Variants in TMEM14A observed in about 807,000 individuals in gnomAD.
TMEM14A encodes the protein transmembrane protein 14A.
TMEM14A carries 8 observed loss-of-function variants against 11.6 expected under a neutral mutation model. That is an observed-to-expected ratio of 0.69 (90% CI 0.40 to 1.24). The LOEUF (loss-of-function observed/expected upper bound fraction) is 1.24. Ranked by LOEUF, TMEM14A falls within the 50% of genes most tolerant of loss-of-function variation. TMEM14A has a pLI of 0.01. For missense variants in TMEM14A, 108 were observed against 121.9 expected (o/e 0.89, Z 0.54); for synonymous variants, 34 against 45.5 (o/e 0.75, Z 1.02).
chr6:52,674,186 A>G (rs1318220576), intron 1 of TMEM14A, among the ~76,000 whole-genome samples: 3 of 149,976 alleles, frequency 2.0e-5, no homozygotes, highest in Non-Finnish European at 4.4e-5. Flanking sequence ...TCCTTTAGAA[A>G]GATAATAAGT....
chr6:52,685,784 G>A (rs1464807011), intron 4 of TMEM14A, among the ~76,000 whole-genome samples: 6 of 152,084 alleles, frequency 3.9e-5, no homozygotes, highest in Admixed American at 3.9e-4. Context: ...CCTCATCCAA[G>A]GTTTTCAGAA....
intron 1 of TMEM14A, 138 bp from the exon 2 acceptor site, chr6:52,676,949 C>T (rs940845774): frequency 6.5e-6 from 5 of 773,678 alleles, no homozygotes; most frequent in Admixed American, 4.6e-5. Context: ...GCCCCACCTC[C>T]AACACTCAGG....
chr6:52,681,418 T>C (rs1003268249), intron 2 of TMEM14A, among the ~76,000 whole-genome samples: 2 of 152,188 alleles, frequency 1.3e-5, no homozygotes, highest in African/African-American at 2.4e-5. Context: ...TGCATCTTAG[T>C]TTTTATCATC....
chr6:52,684,253 A>T, intron 4 of TMEM14A, 88 bp downstream of exon 4: 1 of 1,194,868 alleles, frequency 8.4e-7, no homozygotes, highest in Non-Finnish European at 1.2e-6. Context: ...AATTTGAAAG[A>T]TCAAAGTCCT....
intron 1 of TMEM14A, among the ~76,000 whole-genome samples, chr6:52,674,628 AT>A (rs1426944570): frequency 6.6e-6 from 1 of 152,084 alleles, no homozygotes; most frequent in Non-Finnish European, 1.5e-5. Flanking sequence ...CCTCTTTATT[AT>A]TATTATTTGT....
At chr6:52,673,850 C>G (rs1769206829) in intron 1 of TMEM14A, among the ~76,000 whole-genome samples, 1 of 152,184 alleles carries the variant, frequency 6.6e-6, no homozygotes, top group African/African-American at 2.4e-5. Flanking sequence ...GATTCATTAA[C>G]TAAATTACAA....
intron 3 of TMEM14A, 25 bp from the exon 4 acceptor site, chr6:52,684,053 G>T: frequency 6.2e-7 from 1 of 1,605,880 alleles, no homozygotes; most frequent in Non-Finnish European, 8.5e-7. Context: ...TGAAACTCTG[G>T]TTCATGAATT....
At chr6:52,673,826 TAATAC>T (rs1469999211) in intron 1 of TMEM14A, among the ~76,000 whole-genome samples, 1 of 152,230 alleles carries the variant, frequency 6.6e-6, no homozygotes, top group Non-Finnish European at 1.5e-5. Context: ...ATATATGTTA[TAATAC>T]TATGGTATGA....
At chr6:52,682,126 C>T (rs1420246459) in intron 3 of TMEM14A, among the ~76,000 whole-genome samples, 1 of 152,128 alleles carries the variant, frequency 6.6e-6, no homozygotes. Flanking sequence ...AAGAATATTT[C>T]TATAAAAACT....
In TMEM14A at chr6:52,686,298, T is replaced by C. The variant is rs1450476702; in HGVS notation, c.*249T>C. On this transcript the variant is annotated 3_prime_UTR_variant, in exon 5 of 5. Coordinates refer to ENST00000211314, the MANE Select transcript of TMEM14A (RefSeq NM_014051.4). The stretch of plus-strand genomic sequence containing the variant: ...TCATGATATACTCTTCCATTTGTTG[T>C]GTCTATTTTTTATATATTTGGTATT... The C allele has an allele frequency of 5.0e-6, 2 of 402,528 alleles. No homozygotes were observed. The highest frequency in any genetic ancestry group is 7.1e-5 in the East Asian group (2 of 28,054). The allele number at this position is 402,528 out of a possible 1,614,324, so 24.9% of individuals were successfully genotyped here.
At chr6:52,679,010 C>T (rs1311024174) in intron 2 of TMEM14A, among the ~76,000 whole-genome samples, 1 of 152,132 alleles carries the variant, frequency 6.6e-6, no homozygotes, top group African/African-American at 2.4e-5. Flanking sequence ...GACCCTTCTA[C>T]GGGACAGTTA....
intron 2 of TMEM14A, 38 bp downstream of exon 2, chr6:52,677,210 G>T (rs753375878): frequency 2.0e-5 from 32 of 1,607,296 alleles, no homozygotes; most frequent in Non-Finnish European, 2.7e-5. Context: ...GGGAATTAGT[G>T]GGGGTTTGGA....
At chr6:52,677,042 A>G (rs1276149093) in intron 1 of TMEM14A, 45 bp from the exon 2 acceptor site, 7 of 1,590,494 alleles carry the variant, frequency 4.4e-6, no homozygotes, top group South Asian at 1.1e-5. Flanking sequence ...TCCCTCCCCA[A>G]AACTTTTTTA....
intron 2 of TMEM14A, among the ~76,000 whole-genome samples, chr6:52,678,327 GTT>G (rs58317392): frequency 0.28 from 2,992 of 10,776 alleles, 102 homozygotes; most frequent in African/African-American, 0.41. Context: ...GTATGTGTGT[GTT>G]TGTGTGTGTG....
intron 1 of TMEM14A, among the ~76,000 whole-genome samples, chr6:52,674,064 A>G (rs1769210933): frequency 6.6e-6 from 1 of 152,190 alleles, no homozygotes; most frequent in Non-Finnish European, 1.5e-5. Context: ...TAAGGTAGAT[A>G]TTTTTGTTAT....
Position 52,677,081 on chromosome 6 carries a change from C to G in TMEM14A, c.-16-6C>G. On this transcript the variant is annotated splice_polypyrimidine_tract_variant and splice_region_variant and intron_variant, in intron 1 of 4. Transcript: ENST00000211314. ...TGTATAATTTGTCCTTTCCCCCTTG[C>G]TTTAGAATTGCAACCTTGCCAATGG... 6.2e-7 allele frequency: 1 copy of G among 1,613,812 alleles called. No individual in the cohort carries two copies. Among genetic ancestry groups the G allele is most frequent in the Middle Eastern group, 1.6e-4 (1 of 6,062 alleles).
chr6:52,684,519 CAG>C (rs1268629251), intron 4 of TMEM14A, among the ~76,000 whole-genome samples: 1 of 152,164 alleles, frequency 6.6e-6, no homozygotes, highest in African/African-American at 2.4e-5. Context: ...GAGAGTTTGA[CAG>C]AGTGACAGTG....
chr6:52,683,353 G>A (rs1356801370), intron 3 of TMEM14A, among the ~76,000 whole-genome samples: 1 of 151,438 alleles, frequency 6.6e-6, no homozygotes, highest in Non-Finnish European at 1.5e-5. Context: ...TCAGCTACTC[G>A]GGAGGCTGAG....
At chr6:52,684,602 T>C (rs1008502746) in intron 4 of TMEM14A, among the ~76,000 whole-genome samples, 1 of 152,236 alleles carries the variant, frequency 6.6e-6, no homozygotes, top group Admixed American at 6.5e-5. Context: ...AGAGAAGTTT[T>C]AATATTTTTT....
Sources: allele counts gnomAD v4.1 joint callset (sites outside exome capture counted in the v4.1 genomes callset), GRCh38; gene constraint gnomAD v4.1.1; transcripts MANE v1.5; gene names NCBI Gene and HGNC (gene_info 2026-07-23, HGNC 2026-07-21).